The following CADPS2 variants were observed in gnomAD, a reference collection of about 807,000 sequenced individuals.
CADPS2 encodes the protein calcium-dependent secretion activator 2.
CADPS2 carries 93 observed loss-of-function variants against 172.5 expected under a neutral mutation model. The observed-to-expected ratio is 0.54, with a 90% CI of 0.46 to 0.64. CADPS2 has a LOEUF of 0.64. Among genes scored for constraint, CADPS2 ranks in the 30% least tolerant of loss-of-function variants. CADPS2 has a pLI of 0.00. For missense variants in CADPS2, 1,420 were observed against 1,565.9 expected (o/e 0.91, Z 1.57); for synonymous variants, 546 against 555.2 (o/e 0.98, Z 0.23).
rs1055216633 is a variant in CADPS2 at position 122,447,537 on chromosome 7, C to T, written c.2288+3837G>A. 5.5e-3 allele frequency among the ~76,000 whole-genome samples: 567 copies of T among 102,986 alleles called. 7 individuals carry two copies. The highest frequency in any genetic ancestry group is 0.013 in the Middle Eastern group (2 of 156). 67.6% of individuals were successfully genotyped at this position (102,986 alleles called of 152,430 possible). A position where few individuals can be genotyped will look rare whatever the true frequency, so the allele number is the denominator to read the frequency against. On this transcript the variant is annotated intron_variant, in intron 15 of 29. Transcript: ENST00000449022. ...TCTCTCCCATGTTGATTTCTTGTTT[C>T]GGGGAATTTTTTTTTTTTTTTTTTT...
intron 20 of CADPS2, among the ~76,000 whole-genome samples, chr7:122,407,332 G>C (rs867428836): frequency 1.3e-5 from 2 of 152,204 alleles, no homozygotes; most frequent in Non-Finnish European, 2.9e-5. Flanking sequence ...ATGCAAATGA[G>C]AAGACCTTCA....
chr7:122,600,128 T>C (rs1363574257), intron 6 of CADPS2, among the ~76,000 whole-genome samples: 1 of 152,064 alleles, frequency 6.6e-6, no homozygotes, highest in Non-Finnish European at 1.5e-5. Flanking sequence ...TAAAAATGGA[T>C]GGACACTTTT....
intron 12 of CADPS2, among the ~76,000 whole-genome samples, chr7:122,478,991 T>C (rs970702498): frequency 6.6e-6 from 1 of 152,108 alleles, no homozygotes; most frequent in African/African-American, 2.4e-5. Context: ...ATTCTTATGG[T>C]ACTGCATTTG....
chr7:122,526,319 G>A (rs2061232708), intron 8 of CADPS2, among the ~76,000 whole-genome samples: 1 of 151,994 alleles, frequency 6.6e-6, no homozygotes, highest in Admixed American at 6.6e-5. Flanking sequence ...AGCCTCCTGA[G>A]TAGCTGGGAT....
chr7:122,528,109 TAGTGGTGGTGG>T (rs1423912506), intron 8 of CADPS2, among the ~76,000 whole-genome samples: 1 of 115,100 alleles, frequency 8.7e-6, no homozygotes, highest in African/African-American at 3.4e-5. Context: ...ATGAAGGCAT[TAGTGGTGGTGG>T]TGGTGGTGGT....
At chr7:122,416,832 T>C (rs974793440) in intron 17 of CADPS2, among the ~76,000 whole-genome samples, 23 of 152,196 alleles carry the variant, frequency 1.5e-4, no homozygotes, top group Non-Finnish European at 3.1e-4. Context: ...TAAGATTAAG[T>C]GCAGTTACCT....
At chr7:122,672,588 T>G (rs1006432161) in intron 2 of CADPS2, among the ~76,000 whole-genome samples, 2 of 152,136 alleles carry the variant, frequency 1.3e-5, no homozygotes, top group African/African-American at 4.8e-5. Flanking sequence ...GTCACACACC[T>G]CCTGGGAGAA....
intron 2 of CADPS2, among the ~76,000 whole-genome samples, chr7:122,669,637 A>G (rs2135520343): frequency 6.6e-6 from 1 of 151,904 alleles, no homozygotes; most frequent in African/African-American, 2.4e-5. Flanking sequence ...CGTGTAGAGG[A>G]CAACGAAAGG....
chr7:122,779,615 T>C (rs1792143368), intron 1 of CADPS2, among the ~76,000 whole-genome samples: 2 of 152,178 alleles, frequency 1.3e-5, no homozygotes. Context: ...ATCCATAATA[T>C]AGAACTGAGT....
intron 14 of CADPS2, among the ~76,000 whole-genome samples, chr7:122,451,756 C>T (rs1207025185): frequency 6.6e-6 from 1 of 152,026 alleles, no homozygotes; most frequent in Non-Finnish European, 1.5e-5. Context: ...TTGAAAATGG[C>T]AGTGAAAAGT....
At chr7:122,680,819 C>T (rs1390555327) in intron 2 of CADPS2, among the ~76,000 whole-genome samples, 1 of 152,144 alleles carries the variant, frequency 6.6e-6, no homozygotes, top group Non-Finnish European at 1.5e-5. Context: ...TCTATAAAGA[C>T]ACAGGCACAC....
chr7:122,484,104 A>T (rs2057565823), intron 11 of CADPS2, among the ~76,000 whole-genome samples: 1 of 152,200 alleles, frequency 6.6e-6, no homozygotes, highest in Non-Finnish European at 1.5e-5. Context: ...AAGATGTTTT[A>T]AAAATTTACA....
At chr7:122,554,733 T>G (rs372044967) in intron 7 of CADPS2, 44 bp from the exon 8 acceptor site, 1 of 1,469,966 alleles carries the variant, frequency 6.8e-7, no homozygotes, top group Non-Finnish European at 9.1e-7. Context: ...TGATACGGAG[T>G]GTCTATGGGT....
chr7:122,618,664 G>C (rs1247457416), intron 5 of CADPS2, among the ~76,000 whole-genome samples: 1 of 152,140 alleles, frequency 6.6e-6, no homozygotes, highest in Non-Finnish European at 1.5e-5. Context: ...GCTTTAAATT[G>C]ATTTAACTGC....
chr7:122,865,098 T>A (rs1817949659), intron 1 of CADPS2, among the ~76,000 whole-genome samples: 1 of 152,116 alleles, frequency 6.6e-6, no homozygotes, highest in Non-Finnish European at 1.5e-5. Flanking sequence ...GAGTTCTCAC[T>A]CTGTTAGTTT....
At chr7:122,740,713 C>G (rs2092421425) in intron 1 of CADPS2, among the ~76,000 whole-genome samples, 1 of 151,846 alleles carries the variant, frequency 6.6e-6, no homozygotes, top group African/African-American at 2.4e-5. Context: ...GCAAAAAATA[C>G]CATAGGCAAA....
At chr7:122,877,961 G>C (rs1448367665) in intron 1 of CADPS2, among the ~76,000 whole-genome samples, 1 of 152,156 alleles carries the variant, frequency 6.6e-6, no homozygotes, top group African/African-American at 2.4e-5. Flanking sequence ...TCTGAAGCCA[G>C]TGCTTTCCTA....
intron 2 of CADPS2, among the ~76,000 whole-genome samples, chr7:122,665,614 G>A (rs1373647879): frequency 6.6e-6 from 1 of 152,194 alleles, no homozygotes; most frequent in East Asian, 1.9e-4. Context: ...TTATGATAAA[G>A]TGTTGAACAT....
intron 7 of CADPS2, among the ~76,000 whole-genome samples, chr7:122,567,998 T>C (rs2066688858): frequency 6.6e-6 from 1 of 152,096 alleles, no homozygotes; most frequent in South Asian, 2.1e-4. Flanking sequence ...TGTGTCAGAA[T>C]GGATAATAAA....
Sources: allele counts gnomAD v4.1 joint callset (sites outside exome capture counted in the v4.1 genomes callset), GRCh38; gene constraint gnomAD v4.1.1; transcripts MANE v1.5; gene names NCBI Gene and HGNC (gene_info 2026-07-23, HGNC 2026-07-21).